Variants in CPAP observed in about 807,000 individuals in gnomAD.
CPAP encodes centrosome assembly and centriole elongation protein.
the CPAP span, among the ~76,000 whole-genome samples, chr13:24,915,159 C>T: frequency 6.6e-6 from 1 of 152,020 alleles, no homozygotes; most frequent in Non-Finnish European, 1.5e-5. Context: ...AATCTACTGC[C>T]CCTCCTTTAT....
At chr13:24,928,121 T>C in the CPAP span, among the ~76,000 whole-genome samples, 1 of 152,180 alleles carries the variant, frequency 6.6e-6, no homozygotes, top group African/African-American at 2.4e-5. Flanking sequence ...AACAGGCAGC[T>C]CCAGCTGTTC....
chr13:24,911,600 T>C, the CPAP span, among the ~76,000 whole-genome samples: 1 of 152,030 alleles, frequency 6.6e-6, no homozygotes, highest in Non-Finnish European at 1.5e-5. Context: ...GTGGTGCCAT[T>C]ATAGCTCACT....
At chr13:24,909,711 G>GA in the CPAP span, 34 of 1,354,674 alleles carry the variant, frequency 2.5e-5, no homozygotes, top group African/African-American at 3.9e-4. Flanking sequence ...AATTTTTAAA[G>GA]AAAAAACATG....
the CPAP span, chr13:24,906,769 T>C: frequency 6.2e-7 from 1 of 1,614,212 alleles, no homozygotes; most frequent in Non-Finnish European, 8.5e-7. Context: ...TAAGAGCGGT[T>C]TTCCGCTGGA....
At chr13:24,917,802 T>C in the CPAP span, among the ~76,000 whole-genome samples, 1 of 152,246 alleles carries the variant, frequency 6.6e-6, no homozygotes, top group Non-Finnish European at 1.5e-5. Flanking sequence ...GAGCATGGCA[T>C]TGGCAACTGG....
the CPAP span, chr13:24,905,648 C>T: frequency 6.2e-7 from 1 of 1,614,202 alleles, no homozygotes; most frequent in Non-Finnish European, 8.5e-7. Context: ...AGTCCAAGTT[C>T]TTTCATCATC....
the CPAP span, chr13:24,883,082 A>G: frequency 9.0e-7 from 1 of 1,108,238 alleles, no homozygotes; most frequent in South Asian, 1.3e-5. Flanking sequence ...TCTTTTCCCC[A>G]CACATACACA....
At chr13:24,903,937 C>A in the CPAP span, 6 of 1,614,046 alleles carry the variant, frequency 3.7e-6, no homozygotes, top group Non-Finnish European at 4.2e-6. Context: ...TGAGTTTTTC[C>A]AAGGCACTTT....
At chr13:24,912,768 G>C in the CPAP span, 1 of 1,614,196 alleles carries the variant, frequency 6.2e-7, no homozygotes, top group Non-Finnish European at 8.5e-7. Flanking sequence ...ACTGTGGTTT[G>C]TAAGGGTTGT....
chr13:24,899,254 T>C, the CPAP span, among the ~76,000 whole-genome samples: 1 of 152,214 alleles, frequency 6.6e-6, no homozygotes, highest in Non-Finnish European at 1.5e-5. Flanking sequence ...AAAGTCAGAC[T>C]ACCAAAGATA....
chr13:24,911,681 C>G, the CPAP span, among the ~76,000 whole-genome samples: 1 of 151,204 alleles, frequency 6.6e-6, no homozygotes, highest in Non-Finnish European at 1.5e-5. Context: ...GGACTGCAGG[C>G]ATGGACCACC....
At chr13:24,922,090 G>A in the CPAP span, among the ~76,000 whole-genome samples, 1 of 152,092 alleles carries the variant, frequency 6.6e-6, no homozygotes, top group African/African-American at 2.4e-5. Context: ...ATTTAAACAT[G>A]TGCCATTTTT....
chr13:24,885,641 G>A, the CPAP span: 1 of 1,613,022 alleles, frequency 6.2e-7, no homozygotes, highest in Non-Finnish European at 8.5e-7. Context: ...TCACGAGGAG[G>A]TGCAGACTTG....
the CPAP span, among the ~76,000 whole-genome samples, chr13:24,919,162 A>T: frequency 6.6e-6 from 1 of 152,208 alleles, no homozygotes; most frequent in Non-Finnish European, 1.5e-5. Context: ...ATTTTAATTA[A>T]AAGGTTAAAG....
At chr13:24,884,596 C>T in the CPAP span, 14 of 855,046 alleles carry the variant, frequency 1.6e-5, no homozygotes, top group East Asian at 2.3e-4. Context: ...TCCTTTATTT[C>T]GTGAGGAGTA....
At chr13:24,904,062 T>C in the CPAP span, 2 of 1,613,714 alleles carry the variant, frequency 1.2e-6, no homozygotes, top group Non-Finnish European at 8.5e-7. Flanking sequence ...TTGTCACCTA[T>C]GAAATAGGCC....
At chr13:24,920,636 T>TC in the CPAP span, among the ~76,000 whole-genome samples, 42 of 148,858 alleles carry the variant, frequency 2.8e-4, no homozygotes, top group Admixed American at 4.0e-4. Flanking sequence ...TTTTTTTTTT[T>TC]TTGAGATGGA....
chr13:24,914,084 T>C, the CPAP span, among the ~76,000 whole-genome samples: 5 of 152,194 alleles, frequency 3.3e-5, no homozygotes, highest in African/African-American at 4.8e-5. Context: ...GTATGTTAAA[T>C]AGCAATAAGT....
At chr13:24,912,755 C>G in the CPAP span, 1 of 1,614,168 alleles carries the variant, frequency 6.2e-7, no homozygotes, top group East Asian at 2.2e-5. Context: ...TCAGATTTAT[C>G]TGACTGTGGT....
Sources: gnomAD v4.1 joint callset for allele counts (sites outside exome capture counted in the v4.1 genomes callset) on GRCh38, gnomAD v4.1.1 for gene constraint, MANE v1.5 for transcripts, NCBI Gene and HGNC (gene_info 2026-07-23, HGNC 2026-07-21) for gene names.